The following SGMS2 variants were observed in gnomAD, a reference collection of about 807,000 sequenced individuals.
SGMS2 encodes sphingomyelin synthase 2.
Under a neutral mutation model 43.8 loss-of-function variants are expected in SGMS2, and 21 were observed. The ratio of observed to expected loss-of-function variants is 0.48; its 90% CI spans 0.34 to 0.69. The LOEUF is 0.69. Ranked by LOEUF, SGMS2 falls within the 30% of genes least tolerant of loss-of-function variation. The probability of loss-of-function intolerance (pLI) is 0.01; values close to 1 mark genes in which losing one functional copy is unlikely to be tolerated. For missense variants in SGMS2, 384 were observed against 443.2 expected, an observed-to-expected ratio of 0.87 and a Z score of 1.20; for synonymous variants, 167 against 160.6, an observed-to-expected ratio of 1.04 and a Z score of -0.30.
rs150182549 is a variant in SGMS2 at position 107,837,264 on chromosome 4, A to T, written c.-327+12011A>T. On this transcript the variant is annotated intron_variant, in intron 1 of 6. Coordinates refer to ENST00000690982, the MANE Select transcript of SGMS2 (RefSeq NM_001375905.1). ...AGCAGGACTGATAGGATGATAGGCA[A>T]GTAAAACCAATGAATAAGTTGAGAT... Among the ~76,000 whole-genome samples, 510 of 152,330 alleles carry T rather than the reference A, an allele frequency of 3.3e-3. 4 individuals are homozygous for T. Among genetic ancestry groups the T allele is most frequent in the African/African-American group, 0.012 (479 of 41,574 alleles).
At chr4:107,889,392 T>C (rs1006162557) in intron 2 of SGMS2, among the ~76,000 whole-genome samples, 19 of 152,200 alleles carry the variant, frequency 1.2e-4, no homozygotes, top group African/African-American at 4.6e-4. Context: ...CTGGCAATTC[T>C]TAAGACATTT....
chr4:107,909,889 G>C lies in SGMS2; in HGVS notation c.895-461G>C, dbSNP rs142370070. On this transcript the variant is annotated intron_variant, in intron 6 of 6. Transcript: ENST00000690982. ...TTACTTTATTTCTCTTTGTAGCTCTGTTTCCTATTTTGTAGTCTCCCATTT... is the reference window on the plus strand; with the variant it reads ...TTACTTTATTTCTCTTTGTAGCTCTCTTTCCTATTTTGTAGTCTCCCATTT... 3.2e-3 allele frequency among the ~76,000 whole-genome samples: 490 copies of C among 152,232 alleles called. 7 individuals carry two copies. The highest frequency in any genetic ancestry group is 0.011 in the African/African-American group (468 of 41,534).
chr4:107,855,763 T>C (rs1450167616), intron 1 of SGMS2, among the ~76,000 whole-genome samples: 1 of 152,202 alleles, frequency 6.6e-6, no homozygotes, highest in Non-Finnish European at 1.5e-5. Context: ...GTGGATGATC[T>C]GTCCATTGCC....
At chr4:107,859,226 A>C (rs1490407287) in intron 2 of SGMS2, among the ~76,000 whole-genome samples, 1 of 152,078 alleles carries the variant, frequency 6.6e-6, no homozygotes, top group Non-Finnish European at 1.5e-5. Flanking sequence ...GGGCACCTTA[A>C]GACTAGGGTT....
chr4:107,890,389 C>T (rs753605979), intron 2 of SGMS2, among the ~76,000 whole-genome samples: 12 of 151,992 alleles, frequency 7.9e-5, no homozygotes, highest in African/African-American at 1.4e-4. Flanking sequence ...ATTTAAAAAA[C>T]GGGCGCTAGG....
At chr4:107,884,640 T>C (rs1729606470) in intron 2 of SGMS2, among the ~76,000 whole-genome samples, 1 of 152,190 alleles carries the variant, frequency 6.6e-6, no homozygotes, top group African/African-American at 2.4e-5. Context: ...GTATAACTCA[T>C]TGCCGCCTCT....
At position 107,831,794 on chromosome 4, in the gene SGMS2, T is replaced by G. The variant is rs190598517; in HGVS notation, c.-327+6541T>G. ...AAAATGATTGAAGTTGGTTGTACAC[T>G]GCCATTGAATTCAAGAACTTTCATA... On this transcript the variant is annotated intron_variant, in intron 1 of 6. Transcript: ENST00000690982. Among the ~76,000 whole-genome samples the G allele has an allele frequency of 3.9e-5, 6 of 152,314 alleles. No homozygotes were observed. The East Asian group carries it at 7.7e-4, about 20-fold the overall frequency.
chr4:107,883,471 C>T (rs955315447), intron 2 of SGMS2, among the ~76,000 whole-genome samples: 4 of 152,132 alleles, frequency 2.6e-5, no homozygotes, highest in African/African-American at 9.7e-5. Context: ...TGTGCCATCA[C>T]GCCCAGCTAA....
intron 2 of SGMS2, among the ~76,000 whole-genome samples, chr4:107,881,449 A>T (rs1175644932): frequency 6.6e-6 from 1 of 151,510 alleles, no homozygotes; most frequent in Non-Finnish European, 1.5e-5. Flanking sequence ...ACATCATCTC[A>T]ATTTCTTTTT....
intron 2 of SGMS2, chr4:107,874,114 G>A (rs1002480231): frequency 1.2e-4 from 19 of 152,088 alleles, no homozygotes; most frequent in African/African-American, 4.1e-4. Context: ...AATAAGAGCT[G>A]TATACTGTGT....
intron 2 of SGMS2, chr4:107,886,602 T>A (rs929419779): frequency 4.6e-5 from 7 of 152,068 alleles, no homozygotes; most frequent in Non-Finnish European, 1.0e-4. Context: ...GATTCTCTCC[T>A]CTTGAGGTTC....
intron 3 of SGMS2, among the ~76,000 whole-genome samples, chr4:107,897,378 A>C (rs1730759505): frequency 6.6e-6 from 1 of 152,242 alleles, no homozygotes; most frequent in East Asian, 1.9e-4. Context: ...TGCTAAAAGC[A>C]AAAAATGTAT....
At chr4:107,899,775 C>T (rs1323169687) in intron 4 of SGMS2, 83 bp downstream of exon 4, 1 of 805,912 alleles carries the variant, frequency 1.2e-6, no homozygotes, top group African/African-American at 1.8e-5. Context: ...TTCTTCTAGA[C>T]ACTTCCCTAT....
intron 1 of SGMS2, among the ~76,000 whole-genome samples, chr4:107,857,615 T>G (rs1053319821): frequency 6.6e-6 from 1 of 151,852 alleles, no homozygotes; most frequent in Non-Finnish European, 1.5e-5. Context: ...CTTTGGATAT[T>G]CATATTGTGG....
intron 1 of SGMS2, among the ~76,000 whole-genome samples, chr4:107,848,371 C>T (rs1308876598): frequency 6.6e-6 from 1 of 152,136 alleles, no homozygotes; most frequent in Non-Finnish European, 1.5e-5. Flanking sequence ...AATAAAGTTG[C>T]TTAAACATTT....
At chr4:107,841,047 G>A (rs1493125) in intron 1 of SGMS2, among the ~76,000 whole-genome samples, 5,292 of 152,206 alleles carry the variant, frequency 0.035, 308 homozygotes, top group African/African-American at 0.12. Flanking sequence ...ACAAGGAAAT[G>A]GGCATATAAT....
chr4:107,847,512 T>C (rs1311487296), intron 1 of SGMS2, among the ~76,000 whole-genome samples: 1 of 152,026 alleles, frequency 6.6e-6, no homozygotes, highest in African/African-American at 2.4e-5. Context: ...TTTTGGTTAC[T>C]GTAGCCTTGT....
chr4:107,825,618 CTCTTTTTTTTTTTTTT>C (rs1302031663), intron 1 of SGMS2, among the ~76,000 whole-genome samples: 1 of 132,756 alleles, frequency 7.5e-6, no homozygotes, highest in Non-Finnish European at 1.5e-5. Flanking sequence ...TCTTTTCTTT[CTCTTTTTTTTTTTTTT>C]TTTTTTTGAG....
chr4:107,842,159 G>A lies in SGMS2; in HGVS notation c.-326-16313G>A, dbSNP rs545940714. ...CTCTGTATCTGTGTCTGTGTGTTAA[G>A]GTGTGTAGTAGGCTGTTCTTGCATT... On this transcript the variant is annotated intron_variant, in intron 1 of 6. Coordinates refer to ENST00000690982, the MANE Select transcript of SGMS2 (RefSeq NM_001375905.1). Among the ~76,000 whole-genome samples the A allele has an allele frequency of 6.6e-5, 10 of 152,204 alleles. No homozygotes were observed. The South Asian group carries it at 2.1e-3, about 32-fold the overall frequency.
Sources: gnomAD v4.1 joint callset for allele counts (sites outside exome capture counted in the v4.1 genomes callset) on GRCh38, gnomAD v4.1.1 for gene constraint, MANE v1.5 for transcripts, NCBI Gene and HGNC (gene_info 2026-07-23, HGNC 2026-07-21) for gene names.